Variants in SAMD12 observed in about 807,000 individuals in gnomAD.
The protein encoded by SAMD12 is sterile alpha motif domain containing 12.
SAMD12 carries 9 observed loss-of-function variants against 15.0 expected under a neutral mutation model. The ratio of observed to expected loss-of-function variants is 0.60; its 90% CI spans 0.36 to 1.05. The LOEUF (loss-of-function observed/expected upper bound fraction) is 1.05. Ranked by LOEUF, SAMD12 falls within the 50% of genes least tolerant of loss-of-function variation. The probability of loss-of-function intolerance (pLI) is 0.01; values close to 1 mark genes in which losing one functional copy is unlikely to be tolerated. For missense variants in SAMD12, 230 were observed against 234.2 expected (o/e 0.98, Z 0.12); for synonymous variants, 86 against 90.1 (o/e 0.96, Z 0.25).
At chr8:118,548,902 C>T (rs543902485) in intron 2 of SAMD12, among the ~76,000 whole-genome samples, 36 of 152,374 alleles carry the variant, frequency 2.4e-4, no homozygotes, top group African/African-American at 4.8e-4. Flanking sequence ...GAGGGTCCTA[C>T]GCCCACGGAG....
chr8:118,168,109 C>T, the SAMD12 span, among the ~76,000 whole-genome samples: 5,307 of 152,268 alleles, frequency 0.035, 291 homozygotes, highest in African/African-American at 0.12. Flanking sequence ...GCTTTTGCTT[C>T]CTCCTCATTT....
intron 3 of SAMD12, among the ~76,000 whole-genome samples, chr8:118,390,036 T>C (rs759866717): frequency 1.3e-5 from 2 of 152,054 alleles, no homozygotes; most frequent in Non-Finnish European, 2.9e-5. Flanking sequence ...AGATGGAGTC[T>C]TGCTCTGTCA....
chr8:118,449,643 CA>C (rs1404683267), intron 2 of SAMD12, among the ~76,000 whole-genome samples: 1 of 151,094 alleles, frequency 6.6e-6, no homozygotes, highest in African/African-American at 2.4e-5. Flanking sequence ...ACTAAAAATA[CA>C]AAAAATTAGC....
At chr8:118,333,247 T>C (rs986692785) in intron 4 of SAMD12, among the ~76,000 whole-genome samples, 3 of 152,182 alleles carry the variant, frequency 2.0e-5, no homozygotes, top group Non-Finnish European at 4.4e-5. Flanking sequence ...TCACCTCCTC[T>C]CTGTGCACAG....
intron 4 of SAMD12, among the ~76,000 whole-genome samples, chr8:118,368,833 C>T (rs1441003012): frequency 3.3e-5 from 5 of 152,198 alleles, no homozygotes; most frequent in Non-Finnish European, 7.3e-5. Flanking sequence ...GAAGTTTGCT[C>T]ATAGTCTACA....
chr8:118,182,226 C>A, the SAMD12 span, among the ~76,000 whole-genome samples: 3 of 152,300 alleles, frequency 2.0e-5, no homozygotes, highest in South Asian at 2.1e-4. Context: ...TAAGGTGATA[C>A]ATCTACAACT....
At chr8:118,497,872 G>A (rs1191255823) in intron 2 of SAMD12, among the ~76,000 whole-genome samples, 1 of 152,054 alleles carries the variant, frequency 6.6e-6, no homozygotes, top group East Asian at 1.9e-4. Context: ...TAAACTGAAT[G>A]TAACAAATCT....
intron 1 of SAMD12, among the ~76,000 whole-genome samples, chr8:118,590,151 G>A (rs1370672216): frequency 6.6e-6 from 1 of 152,208 alleles, no homozygotes; most frequent in Non-Finnish European, 1.5e-5. Context: ...CTTGCTCTCT[G>A]TAACCAAAGG....
chr8:118,374,495 C>G (rs1267516343), downstream of SAMD12, among the ~76,000 whole-genome samples: 3 of 152,102 alleles, frequency 2.0e-5, no homozygotes, highest in East Asian at 5.8e-4. Context: ...GGATATGTAC[C>G]CAGAAGTGAG....
chr8:118,374,529 T>C (rs1819278703), downstream of SAMD12, among the ~76,000 whole-genome samples: 1 of 152,142 alleles, frequency 6.6e-6, no homozygotes. Context: ...ATGGTAACTC[T>C]ATTTTTAGTT....
At chr8:118,388,339 TG>T (rs1820072906) in intron 3 of SAMD12, among the ~76,000 whole-genome samples, 1 of 152,196 alleles carries the variant, frequency 6.6e-6, no homozygotes, top group Non-Finnish European at 1.5e-5. Context: ...ACCCTCCATT[TG>T]TAGAACTAAT....
chr8:118,216,767 C>A (rs765416827), intron 4 of SAMD12, among the ~76,000 whole-genome samples: 8 of 152,248 alleles, frequency 5.3e-5, no homozygotes, highest in Admixed American at 5.2e-4. Flanking sequence ...AATCTAGGTG[C>A]TTAAAACAGT....
At chr8:118,600,375 G>A (rs1036921982) in intron 1 of SAMD12, among the ~76,000 whole-genome samples, 8 of 152,082 alleles carry the variant, frequency 5.3e-5, no homozygotes, top group Admixed American at 4.6e-4. Flanking sequence ...GAGGATGAAA[G>A]AAGATAGGTT....
chr8:118,166,720 A>T, the SAMD12 span, among the ~76,000 whole-genome samples: 2 of 152,226 alleles, frequency 1.3e-5, no homozygotes, highest in Non-Finnish European at 2.9e-5. Flanking sequence ...GTGTTTAAAA[A>T]GTGTGCACAC....
chr8:118,548,599 C>T (rs149147923), intron 2 of SAMD12, among the ~76,000 whole-genome samples: 6,874 of 152,280 alleles, frequency 0.045, 489 homozygotes, highest in African/African-American at 0.15. Flanking sequence ...GCGTGAGCGA[C>T]GCAGAAGACG....
intron 2 of SAMD12, among the ~76,000 whole-genome samples, chr8:118,550,486 T>G (rs1025518516): frequency 6.6e-6 from 1 of 151,894 alleles, no homozygotes; most frequent in African/African-American, 2.4e-5. Flanking sequence ...GCTGAGAGAT[T>G]TTGTCACCAG....
intron 1 of SAMD12, among the ~76,000 whole-genome samples, chr8:118,615,096 C>T (rs947975541): frequency 4.6e-5 from 7 of 152,166 alleles, no homozygotes; most frequent in African/African-American, 9.7e-5. Flanking sequence ...GCTCCCCATT[C>T]GTTTTCCTTC....
chr8:118,225,220 C>T (rs1002195807), intron 4 of SAMD12, among the ~76,000 whole-genome samples: 2 of 152,110 alleles, frequency 1.3e-5, no homozygotes, highest in African/African-American at 4.8e-5. Context: ...GTTGGTACTA[C>T]CAAAAAACTA....
intron 2 of SAMD12, among the ~76,000 whole-genome samples, chr8:118,482,447 C>A (rs1824153505): frequency 6.6e-6 from 1 of 151,336 alleles, no homozygotes; most frequent in Non-Finnish European, 1.5e-5. Context: ...GTTCAACCAA[C>A]CTTGGACGGG....
Sources: allele counts gnomAD v4.1 joint callset (sites outside exome capture counted in the v4.1 genomes callset), GRCh38; gene constraint gnomAD v4.1.1; transcripts MANE v1.5; gene names NCBI Gene and HGNC (gene_info 2026-07-23, HGNC 2026-07-21).